CNTNAP2: variants seen among roughly 807,000 people sequenced by gnomAD.
The protein encoded by CNTNAP2 is contactin-associated protein-like 2.
Under a neutral mutation model 155.2 loss-of-function variants are expected in CNTNAP2, and 98 were observed. The ratio of observed to expected loss-of-function variants is 0.63; its 90% confidence interval spans 0.54 to 0.75. CNTNAP2 has a LOEUF of 0.75. CNTNAP2 is among the 30% of genes least tolerant of loss of function. The probability of loss-of-function intolerance (pLI) is 0.00; values close to 1 mark genes in which losing one functional copy is unlikely to be tolerated. For synonymous variants in CNTNAP2, 651 were observed against 631.2 expected (o/e 1.03, Z -0.47); for missense variants, 1,727 against 1,688.1 (o/e 1.02, Z -0.40).
intron 1 of CNTNAP2, among the ~76,000 whole-genome samples, chr7:146,199,712 T>A (rs1798829629): frequency 6.6e-6 from 1 of 152,168 alleles, no homozygotes; most frequent in South Asian, 2.1e-4. Flanking sequence ...TTCATTCAGG[T>A]CAATAGAGAA....
chr7:146,536,798 C>T (rs753894470), intron 1 of CNTNAP2, among the ~76,000 whole-genome samples: 4 of 151,994 alleles, frequency 2.6e-5, no homozygotes, highest in Non-Finnish European at 4.4e-5. Flanking sequence ...ATTGTGAAAA[C>T]GTACCACAGA....
chr7:147,234,921 T>C (rs1020085785), intron 8 of CNTNAP2, among the ~76,000 whole-genome samples: 5 of 152,288 alleles, frequency 3.3e-5, no homozygotes, highest in Admixed American at 3.3e-4. Flanking sequence ...CCCATTATTG[T>C]GATTATTTGA....
intron 1 of CNTNAP2, among the ~76,000 whole-genome samples, chr7:146,121,788 T>C (rs1797566792): frequency 1.3e-5 from 2 of 152,222 alleles, no homozygotes; most frequent in Admixed American, 1.3e-4. Context: ...GGTATATTTC[T>C]ACAACCAGTA....
intron 9 of CNTNAP2, among the ~76,000 whole-genome samples, chr7:147,324,082 T>C (rs1003335455): frequency 1.2e-4 from 18 of 151,454 alleles, no homozygotes; most frequent in African/African-American, 4.4e-4. Context: ...GTGTGTAGAA[T>C]AGGAAATTAA....
chr7:147,870,360 C>T (rs1030825886), intron 13 of CNTNAP2, among the ~76,000 whole-genome samples: 23 of 152,068 alleles, frequency 1.5e-4, no homozygotes, highest in African/African-American at 4.8e-5. Flanking sequence ...TAAAGTAGCC[C>T]ATATGAGGAG....
intron 15 of CNTNAP2, among the ~76,000 whole-genome samples, chr7:148,063,491 G>A (rs1434548242): frequency 6.8e-6 from 1 of 146,964 alleles, no homozygotes; most frequent in Non-Finnish European, 1.5e-5. Flanking sequence ...TTTTTATTTT[G>A]GATAGTTTCT....
intron 21 of CNTNAP2, among the ~76,000 whole-genome samples, chr7:148,333,824 C>G (rs969836099): frequency 6.6e-6 from 1 of 151,324 alleles, no homozygotes; most frequent in Non-Finnish European, 1.5e-5. Context: ...TCCGACTTCC[C>G]AGGCCTTGAG....
chr7:146,333,867 T>C (rs1002981019), intron 1 of CNTNAP2, among the ~76,000 whole-genome samples: 5 of 152,296 alleles, frequency 3.3e-5, no homozygotes, highest in African/African-American at 7.2e-5. Flanking sequence ...TGAAGAAATA[T>C]GGAGAATTGT....
At chr7:147,317,790 G>A (rs1584868926) in intron 9 of CNTNAP2, among the ~76,000 whole-genome samples, 1 of 92,302 alleles carries the variant, frequency 1.1e-5, no homozygotes, top group African/African-American at 5.9e-5. Flanking sequence ...GTGTGTGTGT[G>A]TGTGTGTGTA....
intron 15 of CNTNAP2, among the ~76,000 whole-genome samples, chr7:148,031,179 C>T (rs1357258093): frequency 1.3e-5 from 2 of 152,094 alleles, no homozygotes; most frequent in Non-Finnish European, 2.9e-5. Flanking sequence ...GAGACTGGGG[C>T]CCTCCCTTCT....
chr7:146,885,971 GTGTA>G lies in CNTNAP2; in HGVS notation c.402+46071_402+46074del, dbSNP rs1358157120. The stretch of plus-strand genomic sequence containing the variant: ...TGTGTGTGTGTGTGTGTGTGTGTGT[GTGTA>G]TGTGCTTTCCCTTTACATTTTTAAG... On this transcript the variant is annotated intron_variant, in intron 3 of 23. Coordinates refer to ENST00000361727, the MANE Select transcript of CNTNAP2 (RefSeq NM_014141.6). 8.6e-4 allele frequency among the ~76,000 whole-genome samples: 102 copies of G among 118,308 alleles called. 1 individual carries two copies. Among genetic ancestry groups the G allele is most frequent in the African/African-American group, 3.2e-3 (93 of 29,290 alleles). The allele number at this position is 118,308 out of a possible 152,430, so 77.6% of individuals were successfully genotyped here.
chr7:146,249,179 A>G (rs1347728705), intron 1 of CNTNAP2, among the ~76,000 whole-genome samples: 1 of 152,186 alleles, frequency 6.6e-6, no homozygotes. Context: ...GTGTACGTGC[A>G]GGTCACAGGG....
chr7:147,240,400 A>G (rs1803909398), intron 8 of CNTNAP2, among the ~76,000 whole-genome samples: 1 of 152,240 alleles, frequency 6.6e-6, no homozygotes, highest in Non-Finnish European at 1.5e-5. Context: ...CAGTCACAGT[A>G]AAATCTCAAT....
chr7:147,835,351 G>C (rs1798617208), intron 13 of CNTNAP2, among the ~76,000 whole-genome samples: 2 of 152,196 alleles, frequency 1.3e-5, no homozygotes, highest in South Asian at 4.1e-4. Flanking sequence ...TAGAGGTAAA[G>C]TGTCACTCCT....
chr7:147,662,186 C>T (rs1795623132), intron 13 of CNTNAP2, among the ~76,000 whole-genome samples: 1 of 152,170 alleles, frequency 6.6e-6, no homozygotes, highest in Admixed American at 6.5e-5. Flanking sequence ...AATGTAGATG[C>T]AACATTACAC....
At chr7:147,577,802 A>AC in intron 12 of CNTNAP2, among the ~76,000 whole-genome samples, 1 of 151,916 alleles carries the variant, frequency 6.6e-6, no homozygotes, top group South Asian at 2.1e-4. Flanking sequence ...AGAAAGGCTC[A>AC]CCCCCTCTGG....
intron 1 of CNTNAP2, among the ~76,000 whole-genome samples, chr7:146,717,475 C>T (rs1408508854): frequency 6.6e-6 from 1 of 151,878 alleles, no homozygotes; most frequent in African/African-American, 2.4e-5. Flanking sequence ...GATCACGCCA[C>T]TGCACTCCAG....
At chr7:147,832,557 G>A (rs529495072) in intron 13 of CNTNAP2, among the ~76,000 whole-genome samples, 1 of 139,898 alleles carries the variant, frequency 7.1e-6, no homozygotes, top group Non-Finnish European at 1.5e-5. Context: ...ATATTATATT[G>A]AAATATATTA....
chr7:147,167,259 G>T (rs1802132893), intron 8 of CNTNAP2: 2 of 385,846 alleles, frequency 5.2e-6, no homozygotes, highest in South Asian at 7.3e-5. Flanking sequence ...GGTCAATTTT[G>T]ATAATGGAGT....
Sources: allele counts gnomAD v4.1 joint callset (sites outside exome capture counted in the v4.1 genomes callset), GRCh38; gene constraint gnomAD v4.1.1; transcripts MANE v1.5; gene names NCBI Gene and HGNC (gene_info 2026-07-23, HGNC 2026-07-21).